The following CTNND2 variants were observed in gnomAD, a reference collection of about 807,000 sequenced individuals.
CTNND2 encodes catenin delta-2.
CTNND2 carries 22 observed loss-of-function variants against 144.4 expected under a neutral mutation model. That is an observed-to-expected ratio of 0.15 (90% CI 0.11 to 0.22). The LOEUF is 0.22. Among genes scored for constraint, CTNND2 ranks in the 10% least tolerant of loss-of-function variants. The pLI, the probability that CTNND2 is intolerant of heterozygous loss-of-function variation, is 1.00. For synonymous variants in CTNND2, 751 were observed against 695.6 expected, an observed-to-expected ratio of 1.08 and a Z score of -1.25; for missense variants, 1,353 against 1,618.8, an observed-to-expected ratio of 0.84 and a Z score of 2.82.
intron 18 of CTNND2, among the ~76,000 whole-genome samples, chr5:11,001,091 C>A (rs1212245636): frequency 6.6e-6 from 1 of 152,228 alleles, no homozygotes; most frequent in East Asian, 1.9e-4. Flanking sequence ...GTGCCACACA[C>A]ACTGAGCCCC....
At chr5:11,732,870 T>G (rs1309121175) in intron 1 of CTNND2, among the ~76,000 whole-genome samples, 1 of 151,892 alleles carries the variant, frequency 6.6e-6, no homozygotes, top group African/African-American at 2.4e-5. Context: ...TTGTGGGTCA[T>G]AAGATCCTCA....
chr5:11,246,502 C>T (rs1425199034), intron 9 of CTNND2, among the ~76,000 whole-genome samples: 2 of 151,944 alleles, frequency 1.3e-5, no homozygotes, highest in African/African-American at 4.8e-5. Context: ...CCGGGCACCA[C>T]CAGAAGCGAG....
rs192878440 is a variant in CTNND2, at chr5:11,504,284, A to C, written c.287+60660T>G. Among the ~76,000 whole-genome samples the C allele has an allele frequency of 1.2e-3, 177 of 152,358 alleles. 1 individual carries two copies. The highest frequency in any genetic ancestry group is 0.01 in the East Asian group (54 of 5,182). On this transcript the variant is annotated intron_variant, in intron 3 of 21. Coordinates refer to ENST00000304623, the MANE Select transcript of CTNND2 (RefSeq NM_001332.4). ...GCTGCTGCTGCTGCCGCTGCTGCTG[A>C]TGATGATGACGACGATGACTCAGCG...
chr5:11,145,232 T>C (rs2149741812), intron 12 of CTNND2, among the ~76,000 whole-genome samples: 1 of 152,340 alleles, frequency 6.6e-6, no homozygotes, highest in Admixed American at 6.5e-5. Flanking sequence ...AATATTTTAA[T>C]GCAATATTTT....
intron 2 of CTNND2, among the ~76,000 whole-genome samples, chr5:11,637,235 A>G (rs527963895): frequency 6.6e-6 from 1 of 152,322 alleles, no homozygotes; most frequent in African/African-American, 2.4e-5. Flanking sequence ...GGGAATGTGT[A>G]TCTCCAAAAT....
intron 12 of CTNND2, among the ~76,000 whole-genome samples, chr5:11,136,501 T>C (rs1343327638): frequency 6.6e-6 from 1 of 151,396 alleles, no homozygotes; most frequent in Non-Finnish European, 1.5e-5. Context: ...AACTGGGGCC[T>C]ATTTTGAGGG....
chr5:11,200,691 CTTTTT>C (rs990657106), intron 10 of CTNND2, among the ~76,000 whole-genome samples: 1 of 151,750 alleles, frequency 6.6e-6, no homozygotes, highest in African/African-American at 2.4e-5. Context: ...TTTTCTTTTT[CTTTTT>C]GAGACAGAGT....
Position 11,763,641 on chromosome 5 carries a change from C to A in CTNND2, c.38-31369G>T, listed in dbSNP as rs537524330. Among the ~76,000 whole-genome samples the A allele has an allele frequency of 5.3e-5, 8 of 152,310 alleles. No homozygotes were observed. The South Asian group carries it at 1.7e-3, about 32-fold the overall frequency. On this transcript the variant is annotated intron_variant, in intron 1 of 21. Transcript: ENST00000304623. The stretch of plus-strand genomic sequence containing the variant: ...TCAGAGGAAATGGCTTCCCTGAATG[C>A]TACTTTAAACATTTCATATTAGCAA...
At chr5:11,251,581 C>T (rs1743660068) in intron 9 of CTNND2, among the ~76,000 whole-genome samples, 1 of 152,152 alleles carries the variant, frequency 6.6e-6, no homozygotes, top group Non-Finnish European at 1.5e-5. Flanking sequence ...CTCGGAATCC[C>T]TCGAATTTCC....
At chr5:11,458,822 C>T (rs1032042500) in intron 3 of CTNND2, among the ~76,000 whole-genome samples, 2 of 152,152 alleles carry the variant, frequency 1.3e-5, no homozygotes, top group Admixed American at 1.3e-4. Context: ...GCAATCATGG[C>T]TCACTGCAGC....
chr5:11,731,493 A>T (rs1399381454), intron 2 of CTNND2, among the ~76,000 whole-genome samples: 2 of 152,228 alleles, frequency 1.3e-5, no homozygotes, highest in African/African-American at 4.8e-5. Context: ...GCAGTAACTA[A>T]AAGAATCTTG....
At chr5:11,367,716 T>C (rs1757111021) in intron 7 of CTNND2, among the ~76,000 whole-genome samples, 1 of 152,218 alleles carries the variant, frequency 6.6e-6, no homozygotes, top group Non-Finnish European at 1.5e-5. Context: ...TTGCCAATTA[T>C]GCTGGTGCAG....
chr5:11,554,455 C>T (rs1325562500), intron 3 of CTNND2, among the ~76,000 whole-genome samples: 1 of 151,998 alleles, frequency 6.6e-6, no homozygotes, highest in Non-Finnish European at 1.5e-5. Flanking sequence ...GTACAGATGC[C>T]TAGATTCGGA....
intron 16 of CTNND2, among the ~76,000 whole-genome samples, chr5:11,062,562 C>T (rs1356858239): frequency 3.3e-5 from 5 of 152,180 alleles, no homozygotes; most frequent in Non-Finnish European, 7.3e-5. Context: ...AAAGCCCGAG[C>T]TAATTCATCA....
At chr5:11,346,810 T>C (rs1259817990) in intron 8 of CTNND2, among the ~76,000 whole-genome samples, 183 bp from the exon 9 acceptor site, 1 of 152,214 alleles carries the variant, frequency 6.6e-6, no homozygotes, top group African/African-American at 2.4e-5. Flanking sequence ...AAATGATAAT[T>C]AGCATGCCTA....
intron 1 of CTNND2, among the ~76,000 whole-genome samples, chr5:11,790,159 G>A (rs932872271): frequency 3.3e-5 from 5 of 152,038 alleles, no homozygotes; most frequent in Admixed American, 2.0e-4. Context: ...ATTTCTGGCC[G>A]GGTTACTGGG....
At position 11,419,699 on chromosome 5, in the gene CTNND2, A is replaced by C. The variant is rs16901617; in HGVS notation, c.288-7630T>G. On this transcript the variant is annotated intron_variant, in intron 3 of 21. Transcript: ENST00000304623. ...CTCATCATTCCAACATCATAGCCTT[A>C]GTAACTATCTCCAGGCCATTTCTAA... Among the ~76,000 whole-genome samples the C allele has an allele frequency of 1.3e-3, 202 of 152,338 alleles. 6 individuals carry two copies. The East Asian group carries it at 0.036, about 27-fold the overall frequency.
chr5:11,462,542 G>T (rs1387443041), intron 3 of CTNND2, among the ~76,000 whole-genome samples: 1 of 148,966 alleles, frequency 6.7e-6, no homozygotes, highest in Non-Finnish European at 1.5e-5. Context: ...ATAGAAGAAA[G>T]ATTCTATTTT....
At chr5:11,517,954 T>A (rs897474656) in intron 3 of CTNND2, among the ~76,000 whole-genome samples, 1 of 152,180 alleles carries the variant, frequency 6.6e-6, no homozygotes, top group African/African-American at 2.4e-5. Flanking sequence ...ATTACGTTTA[T>A]ATGTGGAATC....
Sources: gnomAD v4.1 joint callset for allele counts (sites outside exome capture counted in the v4.1 genomes callset) on GRCh38, gnomAD v4.1.1 for gene constraint, MANE v1.5 for transcripts, NCBI Gene and HGNC (gene_info 2026-07-23, HGNC 2026-07-21) for gene names.